The following DOCK9 variants were observed in gnomAD, a reference collection of about 807,000 sequenced individuals.
DOCK9 encodes the protein dedicator of cytokinesis 9, also known as dedicator of cytokinesis protein 9.
Under a neutral mutation model 263.3 loss-of-function variants are expected in DOCK9, and 89 were observed. That is an observed-to-expected ratio of 0.34 (90% CI 0.28 to 0.40). The LOEUF (loss-of-function observed/expected upper bound fraction) is 0.40. Ranked by LOEUF, DOCK9 falls within the 10% of genes least tolerant of loss-of-function variation. The pLI is 1.00. For missense variants in DOCK9, 2,140 were observed against 2,603.4 expected, an observed-to-expected ratio of 0.82 and a Z score of 3.87; for synonymous variants, 976 against 973.1, an observed-to-expected ratio of 1.00 and a Z score of -0.06.
intron 2 of DOCK9, among the ~76,000 whole-genome samples, chr13:98,945,923 T>C (rs2056639506): frequency 6.6e-6 from 1 of 152,114 alleles, no homozygotes; most frequent in Non-Finnish European, 1.5e-5. Context: ...GGGGTGGAGC[T>C]GTAGCAGTCA....
chr13:99,019,665 A>G (rs1885840951), intron 1 of DOCK9, among the ~76,000 whole-genome samples: 1 of 152,144 alleles, frequency 6.6e-6, no homozygotes. Flanking sequence ...AGAAAGCCTC[A>G]TTATATTTCA....
intron 1 of DOCK9, among the ~76,000 whole-genome samples, chr13:98,986,172 G>A (rs1320900132): frequency 1.3e-5 from 2 of 152,312 alleles, no homozygotes; most frequent in Admixed American, 6.5e-5. Context: ...ACAAATTGCC[G>A]CCCTTCAAGT....
chr13:98,877,338 A>G (rs2044018090), intron 27 of DOCK9, among the ~76,000 whole-genome samples: 1 of 152,238 alleles, frequency 6.6e-6, no homozygotes, highest in Non-Finnish European at 1.5e-5. Context: ...AAACACATGC[A>G]AGTAAATTCC....
In DOCK9 at chr13:98,922,090, G is replaced by A. The variant is rs1402246816; in HGVS notation, c.543C>T (p.Tyr181=). 1.2e-6 allele frequency: 2 copies of A among 1,602,246 alleles called. No homozygotes were observed. Among genetic ancestry groups the A allele is most frequent in the Non-Finnish European group, 1.7e-6 (2 of 1,174,964 alleles). ...TGATGGCACTGTTCATGTTGCCTTTGTACAGCCAGCCATGCTTGGTGATCC... is the reference window on the plus strand; with the variant it reads ...TGATGGCACTGTTCATGTTGCCTTTATACAGCCAGCCATGCTTGGTGATCC... ...KGGITKHGWL[Y]KGNMNSAISV... Residue 181 remains tyrosine, a synonymous_variant, in exon 6 of 53, where the codon TAC becomes TAT. Transcript: ENST00000682017.
intron 1 of DOCK9, among the ~76,000 whole-genome samples, chr13:99,058,414 G>A (rs1306180732): frequency 6.6e-6 from 1 of 152,024 alleles, no homozygotes; most frequent in East Asian, 1.9e-4. Flanking sequence ...CGCCCACCTC[G>A]GCCTCCCCAA....
At position 99,009,999 on chromosome 13, in the gene DOCK9, G is replaced by GT. The variant is rs528694438; in HGVS notation, c.130-54449dup. 2.8e-4 allele frequency among the ~76,000 whole-genome samples: 40 copies of GT among 143,974 alleles called. No individual in the cohort carries two copies. In the East Asian group the frequency reaches 6.3e-3, roughly 23 times the overall value. 94.5% of individuals were successfully genotyped at this position (143,974 alleles called of 152,430 possible). A position where few individuals can be genotyped will look rare whatever the true frequency, so the allele number is the denominator to read the frequency against. On this transcript the variant is annotated intron_variant, in intron 1 of 32. Transcript: ENST00000427887. ...AACTTTAAGGTTTTAAGGCCATAAG[G>GT]TAAAAAAAAAAAAAGAGAGAGAAAT...
intron 1 of DOCK9, among the ~76,000 whole-genome samples, chr13:99,083,305 G>T (rs1284839095): frequency 6.6e-6 from 1 of 151,768 alleles, no homozygotes; most frequent in South Asian, 2.1e-4. Flanking sequence ...AACCATGTTT[G>T]ACAAGGCCTA....
At chr13:99,013,076 C>T (rs894149441) in intron 1 of DOCK9, among the ~76,000 whole-genome samples, 11 of 152,002 alleles carry the variant, frequency 7.2e-5, no homozygotes, top group Non-Finnish European at 1.2e-4. Context: ...GTGAATAAAG[C>T]GTACAAAAAT....
Position 98,888,420 on chromosome 13 carries a change from G to T in DOCK9, c.1917C>A (p.Thr639=). The T allele has an allele frequency of 6.2e-7, 1 of 1,613,980 alleles. No individual in the cohort carries two copies. The highest frequency in any genetic ancestry group is 1.1e-5 in the South Asian group (1 of 91,084). ...ACTTAGGATAAACGTAAAGGTGATT[G>T]GTGTAGATGGTGTAAGGCTGAGTGT... ...PKHTQPYTIY[T]NHLYVYPKYL... Residue 639 remains threonine (T), a synonymous_variant, in exon 17 of 53, where the codon ACC becomes ACA. Transcript: ENST00000682017.
chr13:98,924,234 T>C (rs7997044), intron 4 of DOCK9, among the ~76,000 whole-genome samples: 96,760 of 152,082 alleles, frequency 0.64, 31,443 homozygotes, highest in Middle Eastern at 0.77. Flanking sequence ...GGAGTGTTCC[T>C]GGCTGAGGTT....
At chr13:99,055,184 A>G (rs79390880) in intron 1 of DOCK9, among the ~76,000 whole-genome samples, 2,406 of 152,340 alleles carry the variant, frequency 0.016, 65 homozygotes, top group African/African-American at 0.054. Context: ...ACTTCCTTAT[A>G]CTATCCTTGA....
At chr13:98,810,450 T>C (rs2091203411) in intron 45 of DOCK9, among the ~76,000 whole-genome samples, 159 bp from the exon 46 acceptor site, 2 of 152,172 alleles carry the variant, frequency 1.3e-5, no homozygotes, top group South Asian at 2.1e-4. Context: ...AACATTCTTT[T>C]TTAGGGAGCC....
In DOCK9 at chr13:99,050,074, G is replaced by A. The variant is rs573870070; in HGVS notation, c.129+36149C>T. Among the ~76,000 whole-genome samples, 6 of 152,280 alleles carry A rather than the reference G, an allele frequency of 3.9e-5. No individual in the cohort carries two copies. The South Asian group carries it at 1.0e-3, about 26-fold the overall frequency. ...ATCAAAGTTTATGGAGGATATTTAG[G>A]TTTCAACATGTAAGATGACACCTGC... On this transcript the variant is annotated intron_variant, in intron 1 of 32. Coordinates refer to the DOCK9 transcript ENST00000427887.
At chr13:98,817,028 C>T (rs1274758747) in intron 45 of DOCK9, among the ~76,000 whole-genome samples, 2 of 152,116 alleles carry the variant, frequency 1.3e-5, no homozygotes, top group African/African-American at 4.8e-5. Context: ...ACCACCATAA[C>T]AGACAATAAG....
chr13:98,832,399 C>T (rs1296121984), intron 39 of DOCK9, among the ~76,000 whole-genome samples: 1 of 152,122 alleles, frequency 6.6e-6, no homozygotes, highest in African/African-American at 2.4e-5. Context: ...TGAACAGCGA[C>T]TGTGAAGACA....
At chr13:99,014,238 T>C (rs1885026047) in intron 1 of DOCK9, among the ~76,000 whole-genome samples, 1 of 152,228 alleles carries the variant, frequency 6.6e-6, no homozygotes, top group African/African-American at 2.4e-5. Context: ...TCCCGGGCTG[T>C]CTGGTTATGG....
Position 99,060,062 on chromosome 13 carries a change from C to CTTTTTTT in DOCK9, c.129+26154_129+26160dup, listed in dbSNP as rs71114576. On this transcript the variant is annotated intron_variant, in intron 1 of 32. Coordinates refer to the DOCK9 transcript ENST00000427887. ...AGTTACAGACATTTGATTGTTTCTA[C>CTTTTTTT]TTTTTTTTTTTTTTTTTTTTTTTTT... 1.4e-3 allele frequency among the ~76,000 whole-genome samples: 85 copies of CTTTTTTT among 61,460 alleles called. 10 individuals are homozygous for CTTTTTTT. Among genetic ancestry groups the CTTTTTTT allele is most frequent in the African/African-American group, 3.6e-3 (45 of 12,596 alleles). The allele number at this position is 61,460 out of a possible 152,430, so 40.3% of individuals were successfully genotyped here. A position where few individuals can be genotyped will look rare whatever the true frequency, so the allele number is the denominator to read the frequency against.
chr13:98,898,362 T>C (rs2047747827), intron 13 of DOCK9, 101 bp from the exon 14 acceptor site: 11 of 800,174 alleles, frequency 1.4e-5, no homozygotes, highest in South Asian at 3.1e-5. Flanking sequence ...GTCCTTACCA[T>C]AGCATTGGAT....
Position 99,081,791 on chromosome 13 carries a change from G to A in DOCK9, c.129+4432C>T, listed in dbSNP as rs375277789. Among the ~76,000 whole-genome samples, 292 of 152,294 alleles carry A rather than the reference G, an allele frequency of 1.9e-3. 9 individuals carry two copies. In the South Asian group the frequency reaches 0.048, roughly 25 times the overall value. On this transcript the variant is annotated intron_variant, in intron 1 of 32. Transcript: ENST00000427887. ...TCTTTCTAGCTTTTCTTCTGAGTTCGCGTACGTTTTGAACATGCTACCTTC... is the reference window on the plus strand; with the variant it reads ...TCTTTCTAGCTTTTCTTCTGAGTTCACGTACGTTTTGAACATGCTACCTTC...
Sources: allele counts gnomAD v4.1 joint callset (sites outside exome capture counted in the v4.1 genomes callset), GRCh38; gene constraint gnomAD v4.1.1; transcripts MANE v1.5; gene names NCBI Gene and HGNC (gene_info 2026-07-23, HGNC 2026-07-21).